Variants in CEP104 observed in about 807,000 individuals in gnomAD.
CEP104 encodes the protein centrosomal protein 104, also known as centrosomal protein of 104 kDa.
A neutral mutation model predicts 113.3 loss-of-function variants in CEP104; 84 were observed. The ratio of observed to expected loss-of-function variants is 0.74; its 90% confidence interval spans 0.62 to 0.89. The LOEUF is 0.89. Ranked by LOEUF, CEP104 falls within the 40% of genes least tolerant of loss-of-function variation. The pLI is 0.00. For synonymous variants in CEP104, 378 were observed against 421.7 expected, an observed-to-expected ratio of 0.90 and a Z score of 1.27; for missense variants, 1,053 against 1,156.6, an observed-to-expected ratio of 0.91 and a Z score of 1.30.
chr1:3,840,541 A>G (rs531322855), intron 6 of CEP104, among the ~76,000 whole-genome samples: 65 of 151,010 alleles, frequency 4.3e-4, no homozygotes, highest in African/African-American at 1.5e-3. Context: ...CCCAGCCTGT[A>G]TTTTTTTATT....
At chr1:3,842,096 T>C (rs1289933576) in intron 6 of CEP104, among the ~76,000 whole-genome samples, 1 of 152,188 alleles carries the variant, frequency 6.6e-6, no homozygotes, top group Non-Finnish European at 1.5e-5. Flanking sequence ...TTTTTTATTT[T>C]TATTTTTTGA....
Position 3,816,324 on chromosome 1 carries a change from A to G in CEP104, c.2618T>C (p.Leu873Pro). 1.3e-6 allele frequency: 2 copies of G among 1,553,644 alleles called. No homozygotes were observed. The highest frequency in any genetic ancestry group is 8.7e-7 in the Non-Finnish European group (1 of 1,148,028). Reference protein sequence around the residue: ...LMGPAGCTMNLRKTHILQKAP... With the variant: ...LMGPAGCTMNPRKTHILQKAP... ...CTTCTGCAGAATGTGTGTCTTGCGC[A>G]GGTTCATCGTGCAGCCGGCTGGGCC... Residue 873 changes from leucine to proline, a missense_variant, in exon 21 of 22, where the codon CTG becomes CCG. Transcript: ENST00000378230.
chr1:3,829,891 A>C lies in CEP104; in HGVS notation c.1943T>G (p.Leu648Arg). 6.2e-7 allele frequency: 1 copy of C among 1,614,030 alleles called. No individual in the cohort carries two copies. Among genetic ancestry groups the C allele is most frequent in the Non-Finnish European group, 8.5e-7 (1 of 1,179,906 alleles). Residue 648 changes from leucine to arginine, a missense_variant, in exon 14 of 22, where the codon CTT (leucine) becomes CGT (arginine). Transcript: ENST00000378230. ...GCGTGTGTTGCTGTCGTCTGGAGGA[A>C]GGTACTCCAGGATGGAAGCCTGGTG... Reference protein sequence around the residue: ...RQHQASILEYLPPDDSNTRRN... With the variant: ...RQHQASILEYRPPDDSNTRRN...
At chr1:3,840,748 C>T (rs1000722475) in intron 6 of CEP104, among the ~76,000 whole-genome samples, 1 of 152,106 alleles carries the variant, frequency 6.6e-6, no homozygotes, top group Non-Finnish European at 1.5e-5. Flanking sequence ...CCATGTTAGC[C>T]AGGTTGGTCT....
At position 3,816,301 on chromosome 1, in the gene CEP104, T is replaced by C; in HGVS notation, c.2641A>G (p.Lys881Glu). 6.4e-7 allele frequency: 1 copy of C among 1,553,092 alleles called. No homozygotes were observed. The highest frequency in any genetic ancestry group is 1.7e-4 in the Middle Eastern group (1 of 5,946). ...TCACCTGGCTGCAGTGCCGGGGCCT[T>C]CTGCAGAATGTGTGTCTTGCGCAGG... ...MNLRKTHILQ[K>E]APALQPGKSS... is the part of the protein sequence containing the mutation. The change falls in exon 21 of 22, where the codon AAG becomes GAG. Residue 881 changes from lysine to glutamate, a missense_variant. Transcript: ENST00000378230.
In CEP104 at chr1:3,848,415, C is replaced by A. The variant is rs12239252; in HGVS notation, c.287+193G>T. ...GGCGTGATGGCGGGCACCTGTAGTCCCAGCTACTCGGGAGGCTGAGGCAGG... is the reference window on the plus strand; with the variant it reads ...GGCGTGATGGCGGGCACCTGTAGTCACAGCTACTCGGGAGGCTGAGGCAGG... On this transcript the variant is annotated intron_variant, in intron 3 of 21. Transcript: ENST00000378230. 0.37 allele frequency among the ~76,000 whole-genome samples: 55,257 copies of A among 150,908 alleles called. 12,318 individuals are homozygous for A. Among genetic ancestry groups the A allele is most frequent in the African/African-American group, 0.64 (26,149 of 40,996 alleles).
chr1:3,816,679 A>G (rs1397790638), intron 20 of CEP104, among the ~76,000 whole-genome samples: 1 of 152,240 alleles, frequency 6.6e-6, no homozygotes, highest in African/African-American at 2.4e-5. Context: ...GTGCACGCAA[A>G]TGCAAGGGTG....
chr1:3,839,226 G>A (rs1644370215), intron 7 of CEP104, 107 bp from the exon 8 acceptor site: 1 of 979,734 alleles, frequency 1.0e-6, no homozygotes, highest in African/African-American at 1.6e-5. Context: ...AGGAGAGGGA[G>A]TGAGCACAGG....
rs900611918 is a variant in CEP104, at chr1:3,838,949, G to C, written c.891+15C>G. The C allele has an allele frequency of 3.7e-6, 6 of 1,613,468 alleles. No individual in the cohort carries two copies. The African/African-American group carries it at 8.0e-5, about 22-fold the overall frequency. ...CCTAGGCTTTCCTCCACTCCGTCTG[G>C]GCTCCTGCACCCACCAGCTCGGCAT... On this transcript the variant is annotated intron_variant, in intron 8 of 21. Coordinates refer to ENST00000378230, the MANE Select transcript of CEP104 (RefSeq NM_014704.4).
chr1:3,848,401 G>A (rs989886984), intron 3 of CEP104, among the ~76,000 whole-genome samples: 5 of 151,692 alleles, frequency 3.3e-5, no homozygotes, highest in African/African-American at 4.8e-5. Context: ...GCGTGATGGC[G>A]GGCACCTGTA....
chr1:3,829,650 T>C (rs1644160983), intron 14 of CEP104, 141 bp downstream of exon 14: 2 of 896,110 alleles, frequency 2.2e-6, no homozygotes, highest in Non-Finnish European at 3.5e-6. Flanking sequence ...TGCGGGAACC[T>C]GTGTTCTTTC....
At chr1:3,838,863 T>C in intron 8 of CEP104, 101 bp downstream of exon 8, 1 of 1,319,824 alleles carries the variant, frequency 7.6e-7, no homozygotes, top group East Asian at 2.3e-5. Flanking sequence ...CAGAGTGTTT[T>C]ACACTACACT....
At chr1:3,816,041 G>A (rs966637655) in intron 21 of CEP104, 6 of 458,826 alleles carry the variant, frequency 1.3e-5, no homozygotes, top group Admixed American at 3.8e-5. Flanking sequence ...TGAATCCTAG[G>A]CCACCCGTGG....
intron 18 of CEP104, among the ~76,000 whole-genome samples, chr1:3,825,222 C>T (rs1399568328): frequency 6.6e-6 from 1 of 152,150 alleles, no homozygotes; most frequent in Non-Finnish European, 1.5e-5. Context: ...TTGGAGCACT[C>T]CTGGGCAGCC....
chr1:3,822,103 A>G (rs982960906), intron 20 of CEP104, among the ~76,000 whole-genome samples: 1 of 151,974 alleles, frequency 6.6e-6, no homozygotes, highest in Non-Finnish European at 1.5e-5. Flanking sequence ...GGGGCACGGG[A>G]GAAACAAGAC....
intron 18 of CEP104, among the ~76,000 whole-genome samples, chr1:3,824,781 G>A (rs1286639750): frequency 6.6e-6 from 1 of 152,168 alleles, no homozygotes; most frequent in Non-Finnish European, 1.5e-5. Context: ...ACAGCAGGAA[G>A]CATGGCCGCA....
chr1:3,850,129 T>G (rs959264567), intron 2 of CEP104, among the ~76,000 whole-genome samples: 4 of 152,218 alleles, frequency 2.6e-5, no homozygotes, highest in Non-Finnish European at 4.4e-5. Context: ...CTCTAGGTGT[T>G]CGATGAAATC....
At chr1:3,839,827 C>T in intron 6 of CEP104, 51 bp from the exon 7 acceptor site, 1 of 1,491,970 alleles carries the variant, frequency 6.7e-7, no homozygotes, top group Non-Finnish European at 9.2e-7. Flanking sequence ...CCTAGGAGTT[C>T]AGTGCTGAAG....
Position 3,812,852 on chromosome 1 carries a change from C to T in CEP104, c.*2550G>A, listed in dbSNP as rs969356673. 1 of 151,914 alleles carries T rather than the reference C, an allele frequency of 6.6e-6. No individual in the cohort carries two copies. Among genetic ancestry groups the T allele is most frequent in the Non-Finnish European group, 1.5e-5 (1 of 67,972 alleles). The allele number at this position is 151,914 out of a possible 1,614,324, so 9.4% of individuals were successfully genotyped here. On this transcript the variant is annotated 3_prime_UTR_variant, in exon 22 of 22. Coordinates refer to ENST00000378230, the MANE Select transcript of CEP104 (RefSeq NM_014704.4). The stretch of plus-strand genomic sequence containing the variant: ...AAGACTCCGTCTCAAACCCCACCAC[C>T]CCCGCAAAACAAAAACAAAAACAAA...
Sources: gnomAD v4.1 joint callset for allele counts (sites outside exome capture counted in the v4.1 genomes callset) on GRCh38, gnomAD v4.1.1 for gene constraint, MANE v1.5 for transcripts, NCBI Gene and HGNC (gene_info 2026-07-23, HGNC 2026-07-21) for gene names.